The following VWA5B1 variants were observed in gnomAD, a reference collection of about 807,000 sequenced individuals.
VWA5B1 encodes von Willebrand factor A domain containing 5B1.
A neutral mutation model predicts 118.2 loss-of-function variants in VWA5B1; 115 were observed. The observed-to-expected ratio is 0.97, with a 90% CI of 0.84 to 1.14. The LOEUF (loss-of-function observed/expected upper bound fraction) is 1.14. VWA5B1 is among the 50% of genes most tolerant of loss of function. VWA5B1 has a pLI of 0.00. For synonymous variants in VWA5B1, 682 were observed against 658.4 expected (o/e 1.04, Z -0.55); for missense variants, 1,596 against 1,603.8 (o/e 1.00, Z 0.08).
Position 20,355,359 on chromosome 1 carries a change from GATGCCTAC to G in VWA5B1, c.*1100_*1107del, listed in dbSNP as rs2090211079. Reference sequence around the variant, plus strand: ...CTTCCTGCCCTCAAGCCCACTGTGTGATGCCTACATGGGGAATGGCGTGCTGTGGCCGC... The same window carrying G: ...CTTCCTGCCCTCAAGCCCACTGTGTGATGGGGAATGGCGTGCTGTGGCCGC... On this transcript the variant is annotated 3_prime_UTR_variant, in exon 22 of 22. Transcript: ENST00000289815. Among the ~76,000 whole-genome samples the G allele has an allele frequency of 6.6e-6, 1 of 152,206 alleles. No individual in the cohort carries two copies. The highest frequency in any genetic ancestry group is 1.5e-5 in the Non-Finnish European group (1 of 68,024).
At chr1:20,318,405 C>G (rs1181527705) in intron 5 of VWA5B1, 185 bp from the exon 6 acceptor site, 2 of 796,948 alleles carry the variant, frequency 2.5e-6, no homozygotes, top group South Asian at 3.1e-5. Flanking sequence ...CACCATCTAT[C>G]TAAGCTTTCA....
chr1:20,351,758 G>A lies in VWA5B1; in HGVS notation c.3024-297G>A, dbSNP rs116698995. Among the ~76,000 whole-genome samples, 1,506 of 152,282 alleles carry A rather than the reference G, an allele frequency of 9.9e-3. 12 individuals are homozygous for A. Among genetic ancestry groups the A allele is most frequent in the Non-Finnish European group, 0.017 (1,188 of 68,014 alleles). ...GCCCAGGAGGTTGAGGCTGCAGTAA[G>A]CTACGATTGTGTCCCTCCAGCCTAG... is the stretch of plus-strand genomic sequence containing the variant. On this transcript the variant is annotated intron_variant, in intron 20 of 21. Coordinates refer to ENST00000289815, the MANE Select transcript of VWA5B1 (RefSeq NM_001039500.3).
rs757326299 is a variant in VWA5B1, at chr1:20,330,876, A to G, written c.1465A>G (p.Ser489Gly). 6.4e-7 allele frequency: 1 copy of G among 1,551,732 alleles called. No individual in the cohort carries two copies. Among genetic ancestry groups the G allele is most frequent in the Non-Finnish European group, 8.7e-7 (1 of 1,147,002 alleles). The change falls in exon 11 of 22, where the codon AGC (serine) becomes GGC (glycine). Residue 489 changes from serine (S) to glycine (G), a missense_variant. Coordinates refer to ENST00000289815, the MANE Select transcript of VWA5B1 (RefSeq NM_001039500.3). ...CTTCTCCCTTTCCGCCAGGTGCTAT[A>G]GCTTTGGAATTGGACCCAACGTCTG... Reference protein sequence around the residue: ...RNHAFSTRCYSFGIGPNVCHR... With the variant: ...RNHAFSTRCYGFGIGPNVCHR...
chr1:20,337,881 G>A, intron 14 of VWA5B1, 45 bp downstream of exon 14: 1 of 1,550,758 alleles, frequency 6.4e-7, no homozygotes, highest in Non-Finnish European at 8.7e-7. Context: ...GAAGGCGACA[G>A]GCAGGGGAGA....
chr1:20,328,103 A>T (rs2089442093), intron 9 of VWA5B1, 103 bp downstream of exon 9: 1 of 1,106,178 alleles, frequency 9.0e-7, no homozygotes, highest in African/African-American at 1.6e-5. Flanking sequence ...TGCTGGCCTC[A>T]GAAGCTGCCT....
chr1:20,343,017 C>T (rs2089915822), intron 15 of VWA5B1, 62 bp from the exon 16 acceptor site: 3 of 1,464,952 alleles, frequency 2.0e-6, no homozygotes, highest in Non-Finnish European at 1.8e-6. Context: ...AATGATGTCC[C>T]CTGGGAGTTG....
At chr1:20,350,046 G>C (rs2090094832) in intron 18 of VWA5B1, 110 bp from the exon 19 acceptor site, 2 of 1,145,142 alleles carry the variant, frequency 1.7e-6, no homozygotes, top group Non-Finnish European at 2.5e-6. Flanking sequence ...CCCTAGCCTT[G>C]TTCCCCAACC....
intron 1 of VWA5B1, among the ~76,000 whole-genome samples, chr1:20,291,339 CTCTT>C (rs767987500): frequency 3.8e-4 from 52 of 135,120 alleles, no homozygotes; most frequent in Admixed American, 1.3e-3. Context: ...CTCTCTCTCT[CTCTT>C]TCTTTCTTTC....
intron 12 of VWA5B1, among the ~76,000 whole-genome samples, chr1:20,334,239 T>A (rs774647037): frequency 6.6e-6 from 1 of 152,152 alleles, no homozygotes; most frequent in Non-Finnish European, 1.5e-5. Flanking sequence ...TTATGGAAAA[T>A]GGAGTGTTCA....
At position 20,355,753 on chromosome 1, in the gene VWA5B1, G is replaced by T. The variant is rs1253471068; in HGVS notation, c.*1490G>T. Among the ~76,000 whole-genome samples the T allele has an allele frequency of 6.6e-6, 1 of 152,252 alleles. No homozygotes were observed. The highest frequency in any genetic ancestry group is 2.4e-5 in the African/African-American group (1 of 41,478). On this transcript the variant is annotated 3_prime_UTR_variant, in exon 22 of 22. Coordinates refer to ENST00000289815, the MANE Select transcript of VWA5B1 (RefSeq NM_001039500.3). ...GAGGCTCCAGCAGAACGCCCACTGG[G>T]CACAAGGGGAGAAAAAGCAGCCCCA...
Position 20,314,501 on chromosome 1 carries a change from G to A in VWA5B1, c.472G>A (p.Ala158Thr). ...GGAGCTCCCAACGCTGCCCAGCGGG[G>A]CTGTGAGGGTCCTTCTGCCTGCTGT... ...SSELPTLPSG[A>T]VRVLLPAVCA... Residue 158 changes from alanine (A) to threonine (T), a missense_variant, in exon 4 of 22, where the codon GCT (alanine) becomes ACT (threonine). Transcript: ENST00000289815. 7 of 1,551,764 alleles carry A rather than the reference G, an allele frequency of 4.5e-6. No homozygotes were observed. The highest frequency in any genetic ancestry group is 6.1e-6 in the Non-Finnish European group (7 of 1,147,004).
At chr1:20,347,857 A>T (rs2090040825) in intron 17 of VWA5B1, among the ~76,000 whole-genome samples, 1 of 152,166 alleles carries the variant, frequency 6.6e-6, no homozygotes, top group African/African-American at 2.4e-5. Context: ...TACTTGGGAC[A>T]TGGATCTCTG....
chr1:20,348,444 C>G, intron 18 of VWA5B1, 86 bp downstream of exon 18: 1 of 1,346,914 alleles, frequency 7.4e-7, no homozygotes, highest in Non-Finnish European at 1.0e-6. Flanking sequence ...CTGTCCGAGG[C>G]CCTAGGACCA....
intron 15 of VWA5B1, 118 bp downstream of exon 15, chr1:20,342,727 C>G (rs1300248590): frequency 1.6e-6 from 2 of 1,267,016 alleles, no homozygotes; most frequent in Non-Finnish European, 2.1e-6. Context: ...TTGTGGTCTG[C>G]TGCGGCTCAC....
chr1:20,338,001 C>T (rs1222584767), intron 14 of VWA5B1, 165 bp downstream of exon 14: 1 of 887,128 alleles, frequency 1.1e-6, no homozygotes, highest in Admixed American at 2.0e-5. Context: ...CCTCCGAGGA[C>T]ACCTTCCAAA....
At position 20,336,348 on chromosome 1, in the gene VWA5B1, A is replaced by T; in HGVS notation, c.1804A>T (p.Ser602Cys). Residue 602 changes from serine (S) to cysteine (C), a missense_variant, in exon 13 of 22, where the codon AGC (serine) becomes TGC (cysteine). By Grantham distance (112) the Ser-to-Cys change is moderately radical. Coordinates refer to ENST00000289815, the MANE Select transcript of VWA5B1 (RefSeq NM_001039500.3). ...YSMLHSQESG[S>C]SVFYHSQDDG... ...CATGCTGCACTCTCAGGAGTCTGGC[A>T]GCTCTGTCTTCTACCACTCTCAGGA... is the stretch of plus-strand genomic sequence containing the variant. 2.6e-6 allele frequency: 4 copies of T among 1,522,174 alleles called. No homozygotes were observed. Among genetic ancestry groups the T allele is most frequent in the Non-Finnish European group, 3.5e-6 (4 of 1,131,726 alleles). 94.3% of individuals were successfully genotyped at this position (1,522,174 alleles called of 1,614,324 possible).
chr1:20,350,023 G>A (rs2090094398), intron 18 of VWA5B1, 133 bp from the exon 19 acceptor site: 1 of 824,054 alleles, frequency 1.2e-6, no homozygotes, highest in South Asian at 1.6e-5. Flanking sequence ...GCCCATCCGA[G>A]CAGGGGTGGA....
chr1:20,311,804 A>G (rs1358008141), intron 2 of VWA5B1, among the ~76,000 whole-genome samples: 2 of 152,152 alleles, frequency 1.3e-5, no homozygotes, highest in Non-Finnish European at 2.9e-5. Context: ...AACACTACCC[A>G]AAGGGAGCTG....
chr1:20,294,015 G>A (rs530540626), intron 1 of VWA5B1, among the ~76,000 whole-genome samples: 11 of 152,276 alleles, frequency 7.2e-5, no homozygotes, highest in African/African-American at 2.4e-4. Flanking sequence ...AAGAAAGGGT[G>A]GAAATAGGGA....
Sources: gnomAD v4.1 joint callset for allele counts (sites outside exome capture counted in the v4.1 genomes callset) on GRCh38, gnomAD v4.1.1 for gene constraint, MANE v1.5 for transcripts, NCBI Gene and HGNC (gene_info 2026-07-23, HGNC 2026-07-21) for gene names.